Variants in GJC1 observed in about 807,000 individuals in gnomAD.
GJC1 encodes gap junction protein gamma 1.
Under a neutral mutation model 29.3 loss-of-function variants are expected in GJC1, and 5 were observed. The ratio of observed to expected loss-of-function variants is 0.17; its 90% CI spans 0.09 to 0.36. The LOEUF (loss-of-function observed/expected upper bound fraction) is 0.36. Among genes scored for constraint, GJC1 ranks in the 10% least tolerant of loss-of-function variants. GJC1 has a pLI of 1.00. For missense variants in GJC1, 310 were observed against 496.2 expected (o/e 0.62, Z 3.56); for synonymous variants, 177 against 183.3 (o/e 0.97, Z 0.28).
At chr17:44,807,040 A>G (rs549018733) in intron 2 of GJC1, among the ~76,000 whole-genome samples, 1 of 152,354 alleles carries the variant, frequency 6.6e-6, no homozygotes, top group East Asian at 1.9e-4. Flanking sequence ...ATGGTCTTGC[A>G]ATAAATATTG....
intron 1 of GJC1, among the ~76,000 whole-genome samples, chr17:44,818,736 A>C (rs1252608731): frequency 6.6e-6 from 1 of 152,074 alleles, no homozygotes; most frequent in Non-Finnish European, 1.5e-5. Context: ...CAGAGGTTGC[A>C]GTGAGCCGAG....
chr17:44,794,410 G>C (rs928977345), downstream of GJC1: 2 of 152,334 alleles, frequency 1.3e-5, no homozygotes, highest in Admixed American at 1.3e-4. Flanking sequence ...CAGTTTCCCC[G>C]ATCTTCCTGC....
chr17:44,810,015 C>T (rs1294902851), intron 1 of GJC1, among the ~76,000 whole-genome samples: 3 of 151,974 alleles, frequency 2.0e-5, no homozygotes, highest in Admixed American at 2.0e-4. Context: ...CCTGCCACCA[C>T]GCTTGGCTAT....
intron 2 of GJC1, among the ~76,000 whole-genome samples, chr17:44,807,184 A>C (rs572849213): frequency 6.6e-6 from 1 of 152,234 alleles, no homozygotes; most frequent in African/African-American, 2.4e-5. Flanking sequence ...TTAAAACAGC[A>C]TTTTAAAGGA....
intron 1 of GJC1, among the ~76,000 whole-genome samples, chr17:44,828,701 T>C (rs1255238655): frequency 6.6e-6 from 1 of 152,186 alleles, no homozygotes; most frequent in Non-Finnish European, 1.5e-5. Flanking sequence ...GCTAAGTTTT[T>C]TTTAAATCAG....
At position 44,799,971 on chromosome 17, in the gene GJC1, AAAC is replaced by A. The variant is rs1291645200; in HGVS notation, c.*4653_*4655del. On this transcript the variant is annotated 3_prime_UTR_variant, in exon 3 of 3. Transcript: ENST00000592524. ...GGGACAACAGCAAATACAAATCTTT[AAAC>A]ACTTCATGATGTGGCCGGAATGAGT... 6.6e-6 allele frequency: 1 copy of A among 152,226 alleles called. No individual in the cohort carries two copies. Among genetic ancestry groups the A allele is most frequent in the Non-Finnish European group, 1.5e-5 (1 of 68,034 alleles). 9.4% of individuals were successfully genotyped at this position (152,226 alleles called of 1,614,324 possible).
At chr17:44,822,126 G>A (rs2050115843) in intron 1 of GJC1, among the ~76,000 whole-genome samples, 2 of 146,844 alleles carry the variant, frequency 1.4e-5, no homozygotes, top group South Asian at 4.3e-4. Flanking sequence ...GAACCTGGGA[G>A]GCGGAGCTTG....
intron 1 of GJC1, among the ~76,000 whole-genome samples, chr17:44,826,074 C>T (rs1256129580): frequency 6.6e-6 from 1 of 152,098 alleles, no homozygotes; most frequent in African/African-American, 2.4e-5. Context: ...ATGACTGCCA[C>T]CACGCCCAGG....
chr17:44,799,264 G>GGC lies in GJC1; in HGVS notation c.*5361_*5362dup, dbSNP rs1459396151. On this transcript the variant is annotated 3_prime_UTR_variant, in exon 3 of 3. Coordinates refer to ENST00000592524, the MANE Select transcript of GJC1 (RefSeq NM_005497.4). ...TCTGTCACCCAGGCTGGAGTGCAGT[G>GGC]GCGCGATCTCGGCTCACAGCAACCT... 6.6e-6 allele frequency: 1 copy of GGC among 152,294 alleles called. No homozygotes were observed. Among genetic ancestry groups the GGC allele is most frequent in the African/African-American group, 2.4e-5 (1 of 41,418 alleles). 9.4% of individuals were successfully genotyped at this position (152,294 alleles called of 1,614,324 possible).
At chr17:44,795,054 C>G (rs1289013997), downstream of GJC1, 1 of 152,150 alleles carries the variant, frequency 6.6e-6, no homozygotes, top group African/African-American at 2.4e-5. Flanking sequence ...AGCTCTTTTT[C>G]TGGTGCTTCC....
chr17:44,819,368 C>T (rs1386287114), intron 1 of GJC1, among the ~76,000 whole-genome samples: 1 of 152,052 alleles, frequency 6.6e-6, no homozygotes, highest in Admixed American at 6.6e-5. Flanking sequence ...GTCAGAATTT[C>T]CTTCCTTTGG....
chr17:44,825,792 AAAGTTGAATGAC>A (rs2050168473), intron 1 of GJC1, among the ~76,000 whole-genome samples: 1 of 152,068 alleles, frequency 6.6e-6, no homozygotes, highest in Non-Finnish European at 1.5e-5. Flanking sequence ...AAAAAAAAAA[AAAGTTGAATGAC>A]TTAATGGGCA....
intron 1 of GJC1, among the ~76,000 whole-genome samples, chr17:44,827,270 GTTGCAGTGAGACAAGATAGCACCA>G (rs2050186233): frequency 6.6e-6 from 1 of 151,854 alleles, no homozygotes; most frequent in Non-Finnish European, 1.5e-5. Flanking sequence ...AGATAGCACC[GTTGCAGTGAGACAAGATAGCACCA>G]TTGCACTCCA....
intron 1 of GJC1, among the ~76,000 whole-genome samples, chr17:44,814,660 A>G (rs2050021818): frequency 6.6e-6 from 1 of 151,994 alleles, no homozygotes; most frequent in East Asian, 1.9e-4. Context: ...TTCAGGACAT[A>G]GGGCCGGAGC....
Position 44,805,444 on chromosome 17 carries a change from C to A in GJC1, c.374G>T (p.Arg125Leu). ...KPYAMRWKQH[R>L]ALEETEEDNE... is the part of the protein sequence containing the mutation. Reference sequence around the variant, plus strand: ...GTCCTCCTCCGTTTCTTCCAGAGCCCGGTGTTGTTTCCAGCGCATTGCATA... The same window carrying A: ...GTCCTCCTCCGTTTCTTCCAGAGCCAGGTGTTGTTTCCAGCGCATTGCATA... The change falls in exon 3 of 3, where the codon CGG (arginine) becomes CTG (leucine). Residue 125 changes from arginine to leucine, a missense_variant. Coordinates refer to ENST00000592524, the MANE Select transcript of GJC1 (RefSeq NM_005497.4). This position sits in a 1 kb window ranked among gnomAD's most constrained non-coding sequence, Gnocchi z 5.1. 1 of 1,614,120 alleles carries A rather than the reference C, an allele frequency of 6.2e-7. No individual in the cohort carries two copies. Among genetic ancestry groups the A allele is most frequent in the Non-Finnish European group, 8.5e-7 (1 of 1,180,012 alleles).
intron 1 of GJC1, among the ~76,000 whole-genome samples, chr17:44,818,216 A>G (rs1313439877): frequency 6.6e-6 from 1 of 152,176 alleles, no homozygotes; most frequent in African/African-American, 2.4e-5. Flanking sequence ...TCTGTCTCAA[A>G]AAAACAAACA....
At chr17:44,796,942 G>C (rs954283799), downstream of GJC1, among the ~76,000 whole-genome samples, 16 of 152,150 alleles carry the variant, frequency 1.1e-4, no homozygotes, top group South Asian at 2.5e-3. Context: ...CCACCTTGGC[G>C]GTCAACCGAT....
intron 1 of GJC1, among the ~76,000 whole-genome samples, chr17:44,815,356 G>A (rs974216298): frequency 1.3e-5 from 2 of 152,108 alleles, no homozygotes; most frequent in African/African-American, 4.8e-5. Flanking sequence ...TAATATCTTC[G>A]TGAATATATC....
rs991197751 is a variant in GJC1, at chr17:44,803,580, T to TA, written c.*1046_*1047insT. 1.6e-4 allele frequency: 25 copies of TA among 152,368 alleles called. No individual in the cohort carries two copies. The highest frequency in any genetic ancestry group is 5.8e-4 in the African/African-American group (24 of 41,586). The allele number at this position is 152,368 out of a possible 1,614,324, so 9.4% of individuals were successfully genotyped here. A position where few individuals can be genotyped will look rare whatever the true frequency, so the allele number is the denominator to read the frequency against. ...ATTTGGATTTAGGCCTTCTGCCATT[T>TA]CCAATACAAGTAGCTTTGAGTATTC... is the stretch of plus-strand genomic sequence containing the variant. On this transcript the variant is annotated 3_prime_UTR_variant, in exon 3 of 3. Transcript: ENST00000592524.
Sources: gnomAD v4.1 joint callset for allele counts (sites outside exome capture counted in the v4.1 genomes callset) on GRCh38, gnomAD v4.1.1 for gene constraint, Gnocchi (gnomAD v3.1) non-coding constraint, MANE v1.5 for transcripts, NCBI Gene and HGNC (gene_info 2026-07-23, HGNC 2026-07-21) for gene names.